The following TSNAXIP1 variants were observed in gnomAD, a reference collection of about 807,000 sequenced individuals.
TSNAXIP1 encodes translin associated factor X interacting protein 1, also known as translin-associated factor X-interacting protein 1.
A neutral mutation model predicts 84.8 loss-of-function variants in TSNAXIP1; 89 were observed. That is an observed-to-expected ratio of 1.05 (90% CI 0.88 to 1.25). The LOEUF (loss-of-function observed/expected upper bound fraction) is 1.25, where lower values mean the gene tolerates loss of function less well. Among genes scored for constraint, TSNAXIP1 ranks in the 50% most tolerant of loss-of-function variants. TSNAXIP1 has a pLI of 0.00. For synonymous variants in TSNAXIP1, 347 were observed against 335.2 expected, an observed-to-expected ratio of 1.04 and a Z score of -0.39; for missense variants, 874 against 887.6, an observed-to-expected ratio of 0.98 and a Z score of 0.20.
At position 67,823,564 on chromosome 16, in the gene TSNAXIP1, C is replaced by T. The variant is rs1567764530; in HGVS notation, c.388-62C>T. On this transcript the variant is annotated intron_variant, in intron 4 of 15. Transcript: ENST00000561639. ...TCTCAGGAAAAAAGAAAAAGAAAAA[C>T]AGTTCCCCACTAAGGTTGGCAGCTG... 1.5e-5 allele frequency: 20 copies of T among 1,365,324 alleles called. No homozygotes were observed. The East Asian group carries it at 4.7e-4, about 32-fold the overall frequency. The allele number at this position is 1,365,324 out of a possible 1,614,324, so 84.6% of individuals were successfully genotyped here.
intron 4 of TSNAXIP1, among the ~76,000 whole-genome samples, chr16:67,822,781 AAAGCATACC>A (rs2151249030): frequency 1.3e-5 from 2 of 152,340 alleles, no homozygotes; most frequent in East Asian, 3.9e-4. Flanking sequence ...GATAAGGAAG[AAAGCATACC>A]ACTATGGCGT....
intron 2 of TSNAXIP1, among the ~76,000 whole-genome samples, chr16:67,819,585 T>C (rs2056865545): frequency 1.3e-5 from 2 of 151,678 alleles, no homozygotes; most frequent in South Asian, 4.2e-4. Flanking sequence ...GAATAGCTAA[T>C]CTTTACTGAG....
intron 3 of TSNAXIP1, 58 bp from the exon 4 acceptor site, chr16:67,821,041 T>G (rs952212272): frequency 1.2e-6 from 2 of 1,608,220 alleles, no homozygotes; most frequent in Non-Finnish European, 1.7e-6. Flanking sequence ...TGCCCCAGAC[T>G]GAGGGCACAA....
At chr16:67,819,977 C>T (rs769822833) in intron 2 of TSNAXIP1, among the ~76,000 whole-genome samples, 1 of 152,044 alleles carries the variant, frequency 6.6e-6, no homozygotes, top group Non-Finnish European at 1.5e-5. Flanking sequence ...CGACACCACG[C>T]CCGGCTAATT....
intron 1 of TSNAXIP1, among the ~76,000 whole-genome samples, chr16:67,808,300 G>C (rs2055670734): frequency 6.6e-6 from 1 of 152,140 alleles, no homozygotes; most frequent in Admixed American, 6.5e-5. Flanking sequence ...TAAGAGGCCA[G>C]GCACGGTGGC....
intron 2 of TSNAXIP1, 44 bp from the exon 3 acceptor site, chr16:67,820,795 G>C (rs1034564204): frequency 1.5e-6 from 2 of 1,376,582 alleles, no homozygotes; most frequent in African/African-American, 2.9e-5. Context: ...CATTAGGAAG[G>C]GGAGCAATGT....
rs555332209 is a variant in TSNAXIP1, at chr16:67,824,603, C to T, written c.502C>T (p.Arg168Trp). The T allele has an allele frequency of 1.9e-5, 31 of 1,613,726 alleles. No individual in the cohort carries two copies. The highest frequency in any genetic ancestry group is 6.6e-5 in the South Asian group (6 of 91,052). ...GMLAHQREKI[R>W]ALEPLKAKLV... is the part of the protein sequence containing the mutation. ...CTTAGCCCACCAAAGGGAGAAGATTCGGGCTCTGGAGCCCCTGAAGGCCAA... is the reference window on the plus strand; with the variant it reads ...CTTAGCCCACCAAAGGGAGAAGATTTGGGCTCTGGAGCCCCTGAAGGCCAA... The change falls in exon 6 of 16, where the codon CGG (arginine) becomes TGG (tryptophan). Residue 168 changes from arginine (R) to tryptophan (W), a missense_variant. Physicochemically the swap from Arg to Trp is moderately radical, Grantham distance 101. Transcript: ENST00000561639.
Position 67,827,567 on chromosome 16 carries a change from T to C in TSNAXIP1, c.1886T>C (p.Leu629Pro). The change falls in exon 15 of 16, where the codon CTT becomes CCT. Residue 629 changes from leucine to proline, a missense_variant. Coordinates refer to ENST00000561639, the MANE Select transcript of TSNAXIP1 (RefSeq NM_001288990.3). ...TACTTACAGCAGCTAAAGCAGGAGC[T>C]TGGCATAGAACTGTGAGTGACCCTC... ...DEYLQQLKQE[L>P]GIELHEEVTL... The C allele has an allele frequency of 6.2e-7, 1 of 1,614,172 alleles. No individual in the cohort carries two copies. Among genetic ancestry groups the C allele is most frequent in the Non-Finnish European group, 8.5e-7 (1 of 1,180,026 alleles).
intron 2 of TSNAXIP1, among the ~76,000 whole-genome samples, chr16:67,818,703 C>CTTTTT (rs910240626): frequency 7.4e-6 from 1 of 135,554 alleles, no homozygotes. Context: ...AGACCCCATC[C>CTTTTT]TTTTTTTTTT....
At chr16:67,826,319 T>C in intron 10 of TSNAXIP1, 37 bp downstream of exon 10, 1 of 1,584,154 alleles carries the variant, frequency 6.3e-7, no homozygotes, top group Non-Finnish European at 8.6e-7. Flanking sequence ...TGGGCCAGAG[T>C]CAGAACAGCC....
At chr16:67,823,880 A>G (rs1490493439) in intron 5 of TSNAXIP1, among the ~76,000 whole-genome samples, 161 bp downstream of exon 5, 1 of 151,272 alleles carries the variant, frequency 6.6e-6, no homozygotes, top group Non-Finnish European at 1.5e-5. Flanking sequence ...TTAGCTGCGC[A>G]TGGTGGCACA....
chr16:67,811,042 G>A (rs1041786502), intron 1 of TSNAXIP1, among the ~76,000 whole-genome samples: 2 of 150,922 alleles, frequency 1.3e-5, no homozygotes, highest in Non-Finnish European at 2.9e-5. Context: ...GGCAGGTCTC[G>A]AACTCCTGGG....
intron 1 of TSNAXIP1, 91 bp downstream of exon 1, chr16:67,807,287 C>T: frequency 6.5e-7 from 1 of 1,535,104 alleles, no homozygotes; most frequent in Non-Finnish European, 8.7e-7. Context: ...GCACCTCCTG[C>T]TGGCCTCTGA....
intron 4 of TSNAXIP1, among the ~76,000 whole-genome samples, chr16:67,822,707 C>T (rs1413753345): frequency 1.3e-5 from 2 of 152,200 alleles, no homozygotes; most frequent in Non-Finnish European, 2.9e-5. Flanking sequence ...AAAGCATTTA[C>T]TGAGCACTGG....
In TSNAXIP1 at chr16:67,825,206, A is replaced by G; in HGVS notation, c.748A>G (p.Ile250Val). ...CCTCAGTGAGCGAGATGCCTGTAAG[A>G]TCCTCATCGCAGACCTGAATGAGCT... ...HYLSERDACK[I>V]LIADLNELRY... Residue 250 changes from isoleucine to valine, a missense_variant, in exon 7 of 16, where the codon ATC becomes GTC. Physicochemically the swap from Ile to Val is conservative, Grantham distance 29 (BLOSUM62 3). Transcript: ENST00000561639. 1 of 1,614,144 alleles carries G rather than the reference A, an allele frequency of 6.2e-7. No homozygotes were observed. Among genetic ancestry groups the G allele is most frequent in the Non-Finnish European group, 8.5e-7 (1 of 1,180,022 alleles).
intron 4 of TSNAXIP1, among the ~76,000 whole-genome samples, chr16:67,822,795 T>C (rs1281208145): frequency 6.6e-6 from 1 of 152,170 alleles, no homozygotes; most frequent in East Asian, 1.9e-4. Flanking sequence ...CATACCACTA[T>C]GGCGTAGTGG....
rs140308084 is a variant in TSNAXIP1, at chr16:67,827,934, C to G, written c.2080C>G (p.Arg694Gly). The G allele has an allele frequency of 1.2e-6, 2 of 1,613,804 alleles. No homozygotes were observed. The change falls in exon 16 of 16, where the codon CGG becomes GGG. Residue 694 changes from arginine to glycine, a missense_variant. Coordinates refer to ENST00000561639, the MANE Select transcript of TSNAXIP1 (RefSeq NM_001288990.3). Reference sequence around the variant, plus strand: ...GGAAATCCTCCAGACTGCCCTGGAGCGGCTTCAGGTGATTGACATCAGGCG... The same window carrying G: ...GGAAATCCTCCAGACTGCCCTGGAGGGGCTTCAGGTGATTGACATCAGGCG... The part of the protein sequence containing the change: ...VVEILQTALE[R>G]LQVIDIRRVG...
At chr16:67,820,581 C>T (rs988612524) in intron 2 of TSNAXIP1, among the ~76,000 whole-genome samples, 12 of 152,028 alleles carry the variant, frequency 7.9e-5, no homozygotes, top group Non-Finnish European at 1.6e-4. Flanking sequence ...CACGTCTCTA[C>T]TAAAAATACA....
chr16:67,826,325 C>A (rs1334789392), intron 10 of TSNAXIP1, 43 bp downstream of exon 10: 2 of 1,586,908 alleles, frequency 1.3e-6, no homozygotes, highest in Admixed American at 1.7e-5. Context: ...AGAGTCAGAA[C>A]AGCCATGCCC....
Sources: allele counts gnomAD v4.1 joint callset (sites outside exome capture counted in the v4.1 genomes callset), GRCh38; gene constraint gnomAD v4.1.1; transcripts MANE v1.5; gene names NCBI Gene and HGNC (gene_info 2026-07-23, HGNC 2026-07-21).